RALGAPA2: variants seen among roughly 807,000 people sequenced by gnomAD.
RALGAPA2 encodes ral GTPase-activating protein subunit alpha-2.
RALGAPA2 carries 139 observed loss-of-function variants against 230.4 expected under a neutral mutation model. The observed-to-expected ratio is 0.60, with a 90% CI of 0.53 to 0.69. The LOEUF (loss-of-function observed/expected upper bound fraction) is 0.69. Among genes scored for constraint, RALGAPA2 ranks in the 30% least tolerant of loss-of-function variants. The pLI is 0.00. For synonymous variants in RALGAPA2, 847 were observed against 837.8 expected (o/e 1.01, Z -0.19); for missense variants, 2,163 against 2,276.0 (o/e 0.95, Z 1.01).
intron 37 of RALGAPA2, among the ~76,000 whole-genome samples, chr20:20,419,963 A>G (rs1232640808): frequency 6.6e-6 from 1 of 152,188 alleles, no homozygotes; most frequent in Non-Finnish European, 1.5e-5. Context: ...CAGACCGAAC[A>G]CTAGTTAAAG....
At chr20:20,585,803 T>C (rs1487672190) in intron 18 of RALGAPA2, among the ~76,000 whole-genome samples, 1 of 151,882 alleles carries the variant, frequency 6.6e-6, no homozygotes, top group African/African-American at 2.4e-5. Flanking sequence ...GCAGACCTTC[T>C]AAAAAGACAC....
intron 18 of RALGAPA2, among the ~76,000 whole-genome samples, chr20:20,586,907 T>C (rs2065148980): frequency 6.6e-6 from 1 of 151,944 alleles, no homozygotes; most frequent in African/African-American, 2.4e-5. Context: ...AGAGAGAATA[T>C]AAAAGAGGCA....
In RALGAPA2 at chr20:20,637,596, C is replaced by A. The variant is rs1467768388; in HGVS notation, c.667-95G>T. The A allele has an allele frequency of 1.1e-5, 12 of 1,109,722 alleles. No homozygotes were observed. In the African/African-American group the frequency reaches 1.1e-4, roughly 11 times the overall value. 68.7% of individuals were successfully genotyped at this position (1,109,722 alleles called of 1,614,324 possible). A position where few individuals can be genotyped will look rare whatever the true frequency, so the allele number is the denominator to read the frequency against. ...GTTGTTATGTTACTAAAATTCCTAA[C>A]CTAAATGTAAAAAATGACAAATAAT... On this transcript the variant is annotated intron_variant, in intron 7 of 39. Transcript: ENST00000202677.
At chr20:20,504,945 A>C in intron 34 of RALGAPA2, 1 of 962,776 alleles carries the variant, frequency 1.0e-6, no homozygotes, top group South Asian at 4.8e-5. Flanking sequence ...TCATCCTGAA[A>C]TCTACCTTAG....
At chr20:20,407,029 G>A (rs1003648815) in intron 38 of RALGAPA2, among the ~76,000 whole-genome samples, 3 of 152,194 alleles carry the variant, frequency 2.0e-5, no homozygotes, top group African/African-American at 7.2e-5. Flanking sequence ...GCACAGGGCT[G>A]GCATTTCCAT....
At chr20:20,691,064 C>G (rs1235737117) in intron 1 of RALGAPA2, among the ~76,000 whole-genome samples, 1 of 152,176 alleles carries the variant, frequency 6.6e-6, no homozygotes. Flanking sequence ...ACACCCACAG[C>G]CAGATCCTAG....
intron 37 of RALGAPA2, among the ~76,000 whole-genome samples, chr20:20,429,311 T>C (rs1415471952): frequency 6.6e-6 from 1 of 152,226 alleles, no homozygotes; most frequent in East Asian, 1.9e-4. Context: ...GCTTGCAATG[T>C]TCAGTGCTAA....
chr20:20,417,731 C>T (rs138484561), intron 37 of RALGAPA2, among the ~76,000 whole-genome samples: 10 of 152,238 alleles, frequency 6.6e-5, no homozygotes, highest in East Asian at 1.9e-4. Flanking sequence ...TATTCTCTTA[C>T]GTCACTCATA....
Position 20,438,828 on chromosome 20 carries a change from A to G in RALGAPA2, c.5496-26680T>C, listed in dbSNP as rs142701807. ...AACTAAATTCATATATATTTACTTC[A>G]TCCTTACAGAGTACTTATTTATGCA... On this transcript the variant is annotated intron_variant, in intron 37 of 39. Transcript: ENST00000202677. Among the ~76,000 whole-genome samples the G allele has an allele frequency of 7.6e-4, 115 of 152,298 alleles. 3 individuals carry two copies. In the East Asian group the frequency reaches 0.017, roughly 22 times the overall value.
chr20:20,465,149 T>TCTCACACACACACACACACACACA (rs1556066770), intron 37 of RALGAPA2, among the ~76,000 whole-genome samples: 1 of 109,210 alleles, frequency 9.2e-6, no homozygotes, highest in East Asian at 3.1e-4. Context: ...CCGCAGGCCT[T>TCTCACACACACACACACACACACA]CACACACACA....
intron 1 of RALGAPA2, among the ~76,000 whole-genome samples, chr20:20,699,353 G>A (rs1402011012): frequency 6.6e-6 from 1 of 152,166 alleles, no homozygotes; most frequent in Admixed American, 6.5e-5. Context: ...AAGACTAGAG[G>A]ATATTTTACT....
chr20:20,629,647 GC>G, intron 9 of RALGAPA2, 57 bp from the exon 10 acceptor site: 1 of 1,559,396 alleles, frequency 6.4e-7, no homozygotes, highest in Non-Finnish European at 8.8e-7. Flanking sequence ...AGAACACCTG[GC>G]AAAACTTCAG....
chr20:20,407,439 CAAGG>C (rs2059969665), intron 38 of RALGAPA2, among the ~76,000 whole-genome samples: 1 of 152,128 alleles, frequency 6.6e-6, no homozygotes. Flanking sequence ...GTGAAACGGC[CAAGG>C]AAGACTGCCT....
At position 20,495,195 on chromosome 20, in the gene RALGAPA2, A is replaced by T; in HGVS notation, c.5289T>A (p.Thr1763=). 1.9e-6 allele frequency: 3 copies of T among 1,611,988 alleles called. No homozygotes were observed. Among genetic ancestry groups the T allele is most frequent in the Non-Finnish European group, 2.5e-6 (3 of 1,178,186 alleles). Residue 1763 remains threonine, a synonymous_variant, in exon 36 of 40, where the codon ACT becomes ACA. Coordinates refer to ENST00000202677, the MANE Select transcript of RALGAPA2 (RefSeq NM_020343.4). Reference sequence around the variant, plus strand: ...TAATGATTGAAACATCTCCAAAGGCAGTTGGGATAATACCCCTGCGGTAGT... The same window carrying T: ...TAATGATTGAAACATCTCCAAAGGCTGTTGGGATAATACCCCTGCGGTAGT... ...SRDYRRGIIP[T]AFGDVSIIIY... is the part of the protein sequence containing the mutation.
At chr20:20,525,522 A>C (rs576299064) in intron 28 of RALGAPA2, among the ~76,000 whole-genome samples, 1 of 152,238 alleles carries the variant, frequency 6.6e-6, no homozygotes, top group Non-Finnish European at 1.5e-5. Flanking sequence ...AAATAAATGA[A>C]TATCACTTCT....
chr20:20,477,710 C>A (rs1368940584), intron 36 of RALGAPA2, among the ~76,000 whole-genome samples: 1 of 152,144 alleles, frequency 6.6e-6, no homozygotes, highest in African/African-American at 2.4e-5. Flanking sequence ...CTCAGCCTCC[C>A]AAGTAGCTCA....
chr20:20,567,016 T>C (rs2064451784), intron 23 of RALGAPA2, among the ~76,000 whole-genome samples: 2 of 152,242 alleles, frequency 1.3e-5, no homozygotes, highest in African/African-American at 4.8e-5. Context: ...TTTGCAACAA[T>C]AATTTTACAT....
In RALGAPA2 at chr20:20,573,000, C is replaced by T; in HGVS notation, c.2776G>A (p.Asp926Asn). 6.2e-7 allele frequency: 1 copy of T among 1,610,658 alleles called. No individual in the cohort carries two copies. The highest frequency in any genetic ancestry group is 8.5e-7 in the Non-Finnish European group (1 of 1,178,522). Reference sequence around the variant, plus strand: ...CTTCGCCATAACACAGCAGCAGAGTCTGGGTGCCAACCAGTGAGGCTCCCC... The same window carrying T: ...CTTCGCCATAACACAGCAGCAGAGTTTGGGTGCCAACCAGTGAGGCTCCCC... ...AGGSLTGWHP[D>N]SAAVLWRRVL... The change falls in exon 21 of 40, where the codon GAC (aspartate) becomes AAC (asparagine). Residue 926 changes from aspartate to asparagine, a missense_variant. Transcript: ENST00000202677.
intron 14 of RALGAPA2, among the ~76,000 whole-genome samples, chr20:20,607,533 C>T (rs966597863): frequency 1.3e-5 from 2 of 152,104 alleles, no homozygotes; most frequent in Middle Eastern, 3.4e-3. Context: ...AATTTTTATA[C>T]CCCTGCTTTC....
Sources: allele counts gnomAD v4.1 joint callset (sites outside exome capture counted in the v4.1 genomes callset), GRCh38; gene constraint gnomAD v4.1.1; transcripts MANE v1.5; gene names NCBI Gene and HGNC (gene_info 2026-07-23, HGNC 2026-07-21).